CYTH3: variants seen among roughly 807,000 people sequenced by gnomAD.
CYTH3 encodes the protein cytohesin 3.
A neutral mutation model predicts 55.1 loss-of-function variants in CYTH3; 23 were observed. The observed-to-expected ratio is 0.42, with a 90% CI of 0.30 to 0.59. The LOEUF is 0.59. Ranked by LOEUF, CYTH3 falls within the 20% of genes least tolerant of loss-of-function variation. The pLI, the probability that CYTH3 is intolerant of heterozygous loss-of-function variation, is 0.20. For missense variants in CYTH3, 413 were observed against 524.8 expected, an observed-to-expected ratio of 0.79 and a Z score of 2.08; for synonymous variants, 249 against 194.9, an observed-to-expected ratio of 1.28 and a Z score of -2.31.
At chr7:6,269,321 G>A (rs530370147) in intron 1 of CYTH3, among the ~76,000 whole-genome samples, 1 of 152,302 alleles carries the variant, frequency 6.6e-6, no homozygotes, top group East Asian at 1.9e-4. Flanking sequence ...ATACTTGGGG[G>A]TTATCACCTG....
intron 1 of CYTH3, among the ~76,000 whole-genome samples, chr7:6,226,092 G>C (rs374805168): frequency 1.3e-5 from 2 of 152,060 alleles, no homozygotes; most frequent in East Asian, 3.8e-4. Flanking sequence ...CATGTCCCTA[G>C]CTTAGCAAAC....
intron 1 of CYTH3, among the ~76,000 whole-genome samples, chr7:6,197,063 G>A (rs562272134): frequency 3.3e-5 from 5 of 152,290 alleles, no homozygotes; most frequent in Admixed American, 6.5e-5. Flanking sequence ...GAGTGAAGAC[G>A]TACAAAGTGA....
Position 6,272,584 on chromosome 7 carries a change from A to G in CYTH3, c.-77T>C, listed in dbSNP as rs1780697347. ...GCGGGCTGGGGACGCCGCCGGAGGGAGCGCGCAGGCGACCGGGCGGCTCCT... is the reference window on the plus strand; with the variant it reads ...GCGGGCTGGGGACGCCGCCGGAGGGGGCGCGCAGGCGACCGGGCGGCTCCT... On this transcript the variant is annotated 5_prime_UTR_variant, in exon 1 of 13. Transcript: ENST00000350796. 2.7e-6 allele frequency: 3 copies of G among 1,109,638 alleles called. No homozygotes were observed. The highest frequency in any genetic ancestry group is 1.1e-6 in the Non-Finnish European group (1 of 906,344). 68.7% of individuals were successfully genotyped at this position (1,109,638 alleles called of 1,614,324 possible). A position where few individuals can be genotyped will look rare whatever the true frequency, so the allele number is the denominator to read the frequency against.
rs371606363 is a variant in CYTH3 at position 6,170,542 on chromosome 7, C to G, written c.816G>C (p.Leu272=). ...GCTGGGCCGGCGGCTCACCCAGCTT[C>G]AGGAGCCAGCCCTCGCGGTCGGGGT... ...FFNPDREGWL[L]KLGGRVKTWK... Residue 272 remains leucine (L), a synonymous_variant, in exon 9 of 13, where the codon CTG becomes CTC. Coordinates refer to ENST00000350796, the MANE Select transcript of CYTH3 (RefSeq NM_004227.4). The surrounding 1 kb of genome is among the most constrained non-coding windows in gnomAD (Gnocchi z 7.8). 46 of 1,613,734 alleles carry G rather than the reference C, an allele frequency of 2.9e-5. No homozygotes were observed. The highest frequency in any genetic ancestry group is 5.1e-6 in the Non-Finnish European group (6 of 1,179,798).
intron 1 of CYTH3, among the ~76,000 whole-genome samples, chr7:6,207,595 G>C (rs1312416164): frequency 1.3e-5 from 2 of 151,848 alleles, no homozygotes; most frequent in Non-Finnish European, 2.9e-5. Flanking sequence ...GCCACAGTGA[G>C]CTATGATCAC....
intron 1 of CYTH3, among the ~76,000 whole-genome samples, chr7:6,195,218 C>T (rs1378013238): frequency 2.0e-5 from 3 of 151,900 alleles, no homozygotes; most frequent in South Asian, 4.2e-4. Flanking sequence ...GTTTTCATTA[C>T]GATATAAATT....
intron 1 of CYTH3, among the ~76,000 whole-genome samples, chr7:6,250,888 G>A (rs1042298535): frequency 1.3e-5 from 2 of 152,226 alleles, no homozygotes; most frequent in Non-Finnish European, 2.9e-5. Context: ...CACTGAAGGT[G>A]CACAGTCCCT....
rs1052971169 is a variant in CYTH3, at chr7:6,272,484, C to T, written c.24G>A (p.Glu8=). Residue 8 remains glutamate, a synonymous_variant, in exon 1 of 13, where the codon GAG becomes GAA. Transcript: ENST00000350796. MDEDGGG[E]GGGVPEDLSL... ...ACCTCCGACACTCACCGCCACCACC[C>T]TCGCCGCCGCCGTCTTCATCCATCT... is the stretch of plus-strand genomic sequence containing the variant. 5.1e-6 allele frequency: 7 copies of T among 1,370,402 alleles called. No individual in the cohort carries two copies. The highest frequency in any genetic ancestry group is 1.9e-6 in the Non-Finnish European group (2 of 1,052,336). The allele number at this position is 1,370,402 out of a possible 1,614,324, so 84.9% of individuals were successfully genotyped here.
intron 1 of CYTH3, among the ~76,000 whole-genome samples, chr7:6,228,759 C>A (rs749296671): frequency 6.6e-6 from 1 of 152,182 alleles, no homozygotes; most frequent in Non-Finnish European, 1.5e-5. Flanking sequence ...CTCAAGAACA[C>A]GGCTGTGTTT....
intron 1 of CYTH3, among the ~76,000 whole-genome samples, chr7:6,203,818 A>C (rs1165919022): frequency 1.3e-5 from 2 of 151,772 alleles, no homozygotes; most frequent in African/African-American, 4.8e-5. Flanking sequence ...TCCTGGGTTC[A>C]CACCATTCTC....
chr7:6,246,378 G>T (rs1471619579), intron 1 of CYTH3, among the ~76,000 whole-genome samples: 3 of 151,940 alleles, frequency 2.0e-5, no homozygotes, highest in African/African-American at 7.3e-5. Context: ...AAAATTCTAA[G>T]TAAGTTTTAA....
intron 1 of CYTH3, among the ~76,000 whole-genome samples, chr7:6,212,346 T>C (rs1236922600): frequency 6.6e-6 from 1 of 152,238 alleles, no homozygotes; most frequent in Non-Finnish European, 1.5e-5. Context: ...TCACACTGTT[T>C]TGCAACCATC....
intron 1 of CYTH3, among the ~76,000 whole-genome samples, chr7:6,207,213 G>A (rs1333681347): frequency 6.8e-6 from 1 of 146,858 alleles, no homozygotes; most frequent in Non-Finnish European, 1.5e-5. Flanking sequence ...TCCTGCCTCA[G>A]CCTCCCGAGT....
intron 1 of CYTH3, among the ~76,000 whole-genome samples, chr7:6,214,270 G>A (rs1334315242): frequency 1.3e-5 from 2 of 152,122 alleles, no homozygotes; most frequent in Non-Finnish European, 2.9e-5. Context: ...GCCTTTCAAC[G>A]TTTTTGTGTA....
At chr7:6,179,685 C>A (rs1165762417) in intron 4 of CYTH3, among the ~76,000 whole-genome samples, 2 of 85,846 alleles carry the variant, frequency 2.3e-5, no homozygotes, top group East Asian at 3.4e-4. Flanking sequence ...ACCACACACA[C>A]CCCCCCACAC....
In CYTH3 at chr7:6,235,447, TGG is replaced by T. The variant is rs1171346000; in HGVS notation, c.34+37025_34+37026del. 2.8e-5 allele frequency among the ~76,000 whole-genome samples: 4 copies of T among 140,548 alleles called. No homozygotes were observed. In the South Asian group the frequency reaches 9.1e-4, roughly 32 times the overall value. 92.2% of individuals were successfully genotyped at this position (140,548 alleles called of 152,430 possible). ...AAGATTGCACCACTGCACTCCAACC[TGG>T]GAGACAGAGGGAGACTCTATCTCAA... On this transcript the variant is annotated intron_variant, in intron 1 of 12. Coordinates refer to ENST00000350796, the MANE Select transcript of CYTH3 (RefSeq NM_004227.4).
intron 1 of CYTH3, among the ~76,000 whole-genome samples, chr7:6,214,558 TG>T (rs1784387054): frequency 6.6e-6 from 1 of 152,204 alleles, no homozygotes; most frequent in Non-Finnish European, 1.5e-5. Context: ...TTTTCAGCCC[TG>T]GAGTTCCCCA....
At chr7:6,217,910 T>C (rs1784462985) in intron 1 of CYTH3, among the ~76,000 whole-genome samples, 1 of 151,474 alleles carries the variant, frequency 6.6e-6, no homozygotes, top group Non-Finnish European at 1.5e-5. Context: ...GAGCGAGGCA[T>C]GGTGGCTCAT....
chr7:6,234,897 A>G (rs1377502573), intron 1 of CYTH3, among the ~76,000 whole-genome samples: 1 of 152,204 alleles, frequency 6.6e-6, no homozygotes, highest in Non-Finnish European at 1.5e-5. Context: ...ACGTGGCCCA[A>G]GTTGGTAAAG....
Sources: gnomAD v4.1 joint callset for allele counts (sites outside exome capture counted in the v4.1 genomes callset) on GRCh38, gnomAD v4.1.1 for gene constraint, Gnocchi (gnomAD v3.1) non-coding constraint, MANE v1.5 for transcripts, NCBI Gene and HGNC (gene_info 2026-07-23, HGNC 2026-07-21) for gene names.